TECTA: variants seen among roughly 807,000 people sequenced by gnomAD.
TECTA encodes tectorin alpha.
In TECTA, 128 loss-of-function variants were observed where a neutral mutation model predicts 216.8. The observed-to-expected ratio is 0.59, with a 90% CI of 0.51 to 0.68. The LOEUF is 0.68. TECTA is among the 30% of genes least tolerant of loss of function. The pLI, the probability that TECTA is intolerant of heterozygous loss-of-function variation, is 0.00. For synonymous variants in TECTA, 1,089 were observed against 1,117.1 expected (o/e 0.97, Z 0.50); for missense variants, 2,551 against 2,786.2 (o/e 0.92, Z 1.90).
At chr11:121,129,544 G>A in intron 9 of TECTA, 94 bp from the exon 10 acceptor site, 1 of 1,309,146 alleles carries the variant, frequency 7.6e-7, no homozygotes, top group Non-Finnish European at 1.1e-6. Flanking sequence ...CAAAAGGCTA[G>A]CAATAGGGCA....
At chr11:121,114,422 T>G (rs184710006) in intron 6 of TECTA, among the ~76,000 whole-genome samples, 1 of 152,344 alleles carries the variant, frequency 6.6e-6, no homozygotes, top group East Asian at 1.9e-4. Context: ...CAGAGAAACA[T>G]CCTGGTTTAT....
In TECTA at chr11:121,130,022, C is replaced by G. The variant is rs876658016; in HGVS notation, c.2752C>G (p.Pro918Ala). ...CTCCAGGTGCGGCATCATCAACGAC[C>G]CCTCCAACAGCTCCTTCCTGGAGTG... Reference protein sequence around the residue: ...SRSRCGIINDPSNSSFLECHG... With the variant: ...SRSRCGIINDASNSSFLECHG... The change falls in exon 10 of 24, where the codon CCC (proline) becomes GCC (alanine). Residue 918 changes from proline (P) to alanine (A), a missense_variant. By Grantham distance (27) the Pro-to-Ala change is conservative (BLOSUM62 -1). Coordinates refer to ENST00000392793, the MANE Select transcript of TECTA (RefSeq NM_005422.4). 1.2e-6 allele frequency: 2 copies of G among 1,611,208 alleles called. No homozygotes were observed. The highest frequency in any genetic ancestry group is 3.3e-5 in the Admixed American group (2 of 59,870).
rs1369457466 is a variant in TECTA at position 121,145,552 on chromosome 11, C to T, written c.3544-3C>T. ...TTTCTCCACCTCATCTCTCCTCTTA[C>T]AGGTCAACAGTGAACGGCTCTATCT... On this transcript the variant is annotated splice_polypyrimidine_tract_variant and splice_region_variant and intron_variant, in intron 11 of 23. Transcript: ENST00000392793. The T allele has an allele frequency of 6.2e-7, 1 of 1,614,188 alleles. No homozygotes were observed. The highest frequency in any genetic ancestry group is 2.2e-5 in the East Asian group (1 of 44,894).
In TECTA at chr11:121,123,763, C is replaced by T. The variant is rs369310682; in HGVS notation, c.1204-1539C>T. Among the ~76,000 whole-genome samples the T allele has an allele frequency of 1.6e-3, 247 of 152,352 alleles. 4 individuals are homozygous for T. The South Asian group carries it at 0.034, about 21-fold the overall frequency. Reference sequence around the variant, plus strand: ...TTTTGTTTTAAACACTCCCTGGGCTCTCCATCTTGCTCAGAGTCAAAGCCA... The same window carrying T: ...TTTTGTTTTAAACACTCCCTGGGCTTTCCATCTTGCTCAGAGTCAAAGCCA... On this transcript the variant is annotated intron_variant, in intron 7 of 23. Coordinates refer to ENST00000392793, the MANE Select transcript of TECTA (RefSeq NM_005422.4).
intron 17 of TECTA, among the ~76,000 whole-genome samples, chr11:121,166,112 C>A (rs1011723763): frequency 1.3e-5 from 2 of 152,180 alleles, no homozygotes; most frequent in African/African-American, 4.8e-5. Context: ...CGGTGCCTTG[C>A]CATGTCAAAA....
intron 13 of TECTA, among the ~76,000 whole-genome samples, chr11:121,157,146 A>T (rs1565532524): frequency 6.6e-6 from 1 of 152,238 alleles, no homozygotes; most frequent in Non-Finnish European, 1.5e-5. Context: ...TTTTAATTTC[A>T]TCTTTGAAGC....
chr11:121,114,555 A>T (rs925445296), intron 6 of TECTA, among the ~76,000 whole-genome samples: 3 of 151,792 alleles, frequency 2.0e-5, no homozygotes, highest in African/African-American at 4.8e-5. Context: ...TCATTAGTCC[A>T]TCCACCCACC....
intron 10 of TECTA, among the ~76,000 whole-genome samples, chr11:121,134,657 A>G (rs1403246882): frequency 2.6e-5 from 4 of 151,382 alleles, no homozygotes; most frequent in Non-Finnish European, 5.9e-5. Context: ...CTGCTCCCAC[A>G]TTGAGCCTCC....
chr11:121,172,310 G>A (rs959725411), intron 20 of TECTA, among the ~76,000 whole-genome samples: 7 of 151,890 alleles, frequency 4.6e-5, no homozygotes, highest in Admixed American at 4.6e-4. Context: ...TTAGCATTAG[G>A]TGTATCTCCT....
Position 121,137,836 on chromosome 11 carries a change from G to A in TECTA, c.3357G>A (p.Gln1119=). The change falls in exon 11 of 24, where the codon CAG becomes CAA. Residue 1119 remains glutamine (Q), a synonymous_variant. Transcript: ENST00000392793. ...LTFDGFPFDF[Q]TSCPLILCTT... ...TTGATGGCTTCCCCTTTGACTTCCA[G>A]ACCAGCTGCCCACTCATCCTGTGCA... 1 of 1,610,210 alleles carries A rather than the reference G, an allele frequency of 6.2e-7. No homozygotes were observed. Among genetic ancestry groups the A allele is most frequent in the South Asian group, 1.1e-5 (1 of 90,994 alleles).
intron 3 of TECTA, 80 bp downstream of exon 3, chr11:121,106,044 C>G: frequency 6.2e-7 from 1 of 1,605,974 alleles, no homozygotes; most frequent in Non-Finnish European, 8.5e-7. Context: ...TAAGTATCCT[C>G]TTCCAGAGCT....
At chr11:121,102,953 A>G (rs1420165489) in intron 2 of TECTA, among the ~76,000 whole-genome samples, 1 of 152,242 alleles carries the variant, frequency 6.6e-6, no homozygotes, top group Non-Finnish European at 1.5e-5. Context: ...TACTATTTGT[A>G]TGTACCAGCT....
At position 121,125,632 on chromosome 11, in the gene TECTA, G is replaced by A. The variant is rs1360967310; in HGVS notation, c.1534G>A (p.Ala512Thr). The part of the protein sequence containing the change: ...GCVDNCTQCD[A>T]ATEALYFGSD... ...CGTCGACAACTGCACCCAGTGCGAC[G>A]CTGCCACTGAAGCCCTCTACTTTGG... is the stretch of plus-strand genomic sequence containing the variant. The change falls in exon 8 of 24, where the codon GCT becomes ACT. Residue 512 changes from alanine (A) to threonine (T), a missense_variant. Physicochemically the swap from Ala to Thr is moderately conservative, Grantham distance 58. This residue lies in a region of TECTA where 2,375 missense variants were observed against 2,563.9 expected (regional missense o/e 0.93). Coordinates refer to ENST00000392793, the MANE Select transcript of TECTA (RefSeq NM_005422.4). The A allele has an allele frequency of 8.7e-6, 14 of 1,612,354 alleles. 1 individual carries two copies. The highest frequency in any genetic ancestry group is 4.5e-5 in the East Asian group (2 of 44,872).
At chr11:121,106,726 T>G (rs780037092) in intron 3 of TECTA, among the ~76,000 whole-genome samples, 1 of 152,164 alleles carries the variant, frequency 6.6e-6, no homozygotes, top group Non-Finnish European at 1.5e-5. Context: ...CCTCTGGCCA[T>G]CTCTACGTCT....
intron 12 of TECTA, among the ~76,000 whole-genome samples, chr11:121,151,541 C>T (rs1946889754): frequency 1.3e-5 from 2 of 151,924 alleles, no homozygotes; most frequent in African/African-American, 4.8e-5. Flanking sequence ...TATGTGCATA[C>T]ACACACACAC....
At position 121,162,282 on chromosome 11, in the gene TECTA, C is replaced by T. The variant is rs776437759; in HGVS notation, c.5184C>T (p.Phe1728=). 6.2e-7 allele frequency: 1 copy of T among 1,613,868 alleles called. No homozygotes were observed. ...ACGGCTGCTACAGCCACAAGAAGTT[C>T]CAGCTGTGCGGCTCCCTGGCCGCCT... ...YLDGCYSHKK[F]QLCGSLAAYG... is the part of the protein sequence containing the mutation. Residue 1728 remains phenylalanine, a synonymous_variant, in exon 16 of 24, where the codon TTC becomes TTT. Transcript: ENST00000392793.
At position 121,118,431 on chromosome 11, in the gene TECTA, G is replaced by A. The variant is rs757119408; in HGVS notation, c.916G>A (p.Glu306Lys). 3.7e-6 allele frequency: 6 copies of A among 1,614,124 alleles called. No individual in the cohort carries two copies. Among genetic ancestry groups the A allele is most frequent in the South Asian group, 3.3e-5 (3 of 91,076 alleles). ...EASCSPYEVC[E>K]PKGKFFYCSA... ...TTCCTGTAGCCCCTACGAGGTGTGC[G>A]AACCCAAAGGCAAATTCTTCTACTG... The change falls in exon 7 of 24, where the codon GAA becomes AAA. Residue 306 changes from glutamate to lysine, a missense_variant. Physicochemically the swap from Glu to Lys is moderately conservative, Grantham distance 56. Transcript: ENST00000392793.
intron 3 of TECTA, among the ~76,000 whole-genome samples, chr11:121,108,758 A>G (rs1328772778): frequency 6.7e-6 from 1 of 148,860 alleles, no homozygotes; most frequent in Non-Finnish European, 1.5e-5. Flanking sequence ...ACCCCAGTAC[A>G]CACACACACA....
At chr11:121,155,149 C>G (rs1946928901) in intron 13 of TECTA, among the ~76,000 whole-genome samples, 1 of 152,128 alleles carries the variant, frequency 6.6e-6, no homozygotes, top group South Asian at 2.1e-4. Context: ...AGAGAATACG[C>G]CTGGCTATTA....
Sources: gnomAD v4.1 joint callset for allele counts (sites outside exome capture counted in the v4.1 genomes callset) on GRCh38, gnomAD v4.1.1 for gene constraint, gnomAD v4.1.1 regional missense constraint, MANE v1.5 for transcripts, NCBI Gene and HGNC (gene_info 2026-07-23, HGNC 2026-07-21) for gene names.